The following CERS6 variants were observed in gnomAD, a reference collection of about 807,000 sequenced individuals.
The protein encoded by CERS6 is LAG1 homolog, ceramide synthase 6.
Under a neutral mutation model 56.8 loss-of-function variants are expected in CERS6, and 26 were observed. The observed-to-expected ratio is 0.46, with a 90% CI of 0.34 to 0.63. The LOEUF is 0.63. Among genes scored for constraint, CERS6 ranks in the 30% least tolerant of loss-of-function variants. CERS6 has a pLI of 0.01. For synonymous variants in CERS6, 164 were observed against 173.3 expected (o/e 0.95, Z 0.42); for missense variants, 415 against 467.5 (o/e 0.89, Z 1.04).
intron 2 of CERS6, among the ~76,000 whole-genome samples, chr2:168,554,110 AAAAG>A (rs893957668): frequency 3.3e-5 from 5 of 152,188 alleles, no homozygotes; most frequent in South Asian, 2.1e-4. Flanking sequence ...TTAGAGATGG[AAAAG>A]AAAGAGTCAT....
chr2:168,761,955 A>G (rs1027377018), intron 8 of CERS6, among the ~76,000 whole-genome samples: 4 of 152,282 alleles, frequency 2.6e-5, no homozygotes, highest in African/African-American at 7.2e-5. Flanking sequence ...GAGTTGAACA[A>G]TGAGAACACA....
intron 1 of CERS6, among the ~76,000 whole-genome samples, chr2:168,514,041 T>C (rs193158322): frequency 6.6e-6 from 1 of 152,352 alleles, no homozygotes; most frequent in East Asian, 1.9e-4. Flanking sequence ...CTAAAAATTA[T>C]GGAGGAAAGG....
chr2:168,711,246 A>G (rs1279528008), intron 6 of CERS6, among the ~76,000 whole-genome samples: 1 of 152,200 alleles, frequency 6.6e-6, no homozygotes, highest in Non-Finnish European at 1.5e-5. Context: ...TTGAAACCCC[A>G]ACCTGTAGTG....
chr2:168,520,082 A>T (rs191371919), intron 1 of CERS6, among the ~76,000 whole-genome samples: 1 of 152,254 alleles, frequency 6.6e-6, no homozygotes, highest in Non-Finnish European at 1.5e-5. Flanking sequence ...CTGCAACCTC[A>T]CCAACATCTG....
intron 3 of CERS6, among the ~76,000 whole-genome samples, chr2:168,562,902 A>C (rs756027660): frequency 5.3e-5 from 8 of 152,110 alleles, no homozygotes; most frequent in Non-Finnish European, 1.2e-4. Context: ...GCCCTGCCAT[A>C]TATCCAAAGG....
chr2:168,762,095 C>T (rs1449443454), intron 8 of CERS6, among the ~76,000 whole-genome samples: 1 of 151,972 alleles, frequency 6.6e-6, no homozygotes, highest in Non-Finnish European at 1.5e-5. Flanking sequence ...ATGAGTGCAG[C>T]AAACCACCAT....
intron 4 of CERS6, among the ~76,000 whole-genome samples, chr2:168,678,124 A>G (rs1037726112): frequency 2.0e-5 from 3 of 152,224 alleles, no homozygotes; most frequent in African/African-American, 7.2e-5. Flanking sequence ...ACCATTGTGG[A>G]AGTCAGTGTG....
intron 1 of CERS6, among the ~76,000 whole-genome samples, chr2:168,521,741 C>T (rs1389038062): frequency 6.6e-6 from 1 of 152,186 alleles, no homozygotes; most frequent in Admixed American, 6.5e-5. Context: ...TTGGGAGCTT[C>T]CCCTGCAAAG....
intron 1 of CERS6, among the ~76,000 whole-genome samples, chr2:168,460,006 G>A (rs1225519897): frequency 6.6e-6 from 1 of 152,120 alleles, no homozygotes; most frequent in Non-Finnish European, 1.5e-5. Flanking sequence ...TCAAATTCTA[G>A]TCAAAACTTA....
intron 3 of CERS6, among the ~76,000 whole-genome samples, chr2:168,562,130 T>A (rs561953557): frequency 1.3e-5 from 2 of 152,294 alleles, no homozygotes; most frequent in Non-Finnish European, 2.9e-5. Context: ...TTTCCTGACG[T>A]CTGGTCATTT....
At chr2:168,533,535 T>C (rs1243686888) in intron 1 of CERS6, among the ~76,000 whole-genome samples, 1 of 152,250 alleles carries the variant, frequency 6.6e-6, no homozygotes, top group African/African-American at 2.4e-5. Flanking sequence ...AAGGGAATGC[T>C]TCCAGCTTTT....
At position 168,773,644 on chromosome 2, in the gene CERS6, T is replaced by G. The variant is rs1684921526; in HGVS notation, c.*3982T>G. 1 of 152,208 alleles carries G rather than the reference T, an allele frequency of 6.6e-6. No individual in the cohort carries two copies. The highest frequency in any genetic ancestry group is 2.4e-5 in the African/African-American group (1 of 41,456). 9.4% of individuals were successfully genotyped at this position (152,208 alleles called of 1,614,324 possible). ...ATGGAAGGAATAATCAGCAGTTCAG[T>G]TGTCACAAGCCGCCCTTGAAGAAAA... On this transcript the variant is annotated 3_prime_UTR_variant, in exon 10 of 10. Coordinates refer to ENST00000305747, the MANE Select transcript of CERS6 (RefSeq NM_203463.3).
intron 3 of CERS6, among the ~76,000 whole-genome samples, chr2:168,569,727 G>A (rs1695947980): frequency 6.6e-6 from 1 of 152,156 alleles, no homozygotes; most frequent in African/African-American, 2.4e-5. Flanking sequence ...GTATGGTGGT[G>A]AAGGCAGTGG....
chr2:168,614,442 G>T (rs535945632), intron 3 of CERS6, among the ~76,000 whole-genome samples: 27 of 152,300 alleles, frequency 1.8e-4, no homozygotes, highest in Admixed American at 1.5e-3. Flanking sequence ...AGCCCAGCTG[G>T]CTTTCACAGC....
rs558678591 is a variant in CERS6 at position 168,712,232 on chromosome 2, T to C, written c.610-2769T>C. On this transcript the variant is annotated intron_variant, in intron 6 of 9. Transcript: ENST00000305747. ...CGAATTCACAAGGAACTGAGAAGTC[T>C]ACCTAATCTGGTTTCTGTTGCCTTT... Among the ~76,000 whole-genome samples the C allele has an allele frequency of 2.5e-3, 377 of 152,308 alleles. 1 individual carries two copies. Among genetic ancestry groups the C allele is most frequent in the African/African-American group, 8.5e-3 (353 of 41,566 alleles).
intron 8 of CERS6, among the ~76,000 whole-genome samples, chr2:168,760,361 C>G (rs771315718): frequency 2.6e-5 from 4 of 152,046 alleles, no homozygotes; most frequent in Non-Finnish European, 4.4e-5. Flanking sequence ...GCCAGTCTCG[C>G]GTTTCCCATG....
At chr2:168,681,852 T>A (rs1686225783) in intron 4 of CERS6, among the ~76,000 whole-genome samples, 1 of 152,192 alleles carries the variant, frequency 6.6e-6, no homozygotes, top group African/African-American at 2.4e-5. Context: ...GAGATCAACT[T>A]TTTTAGCTTC....
chr2:168,727,714 T>A (rs2105407029), intron 8 of CERS6, among the ~76,000 whole-genome samples: 2 of 152,340 alleles, frequency 1.3e-5, no homozygotes, highest in South Asian at 4.1e-4. Flanking sequence ...CTTTTCTGAA[T>A]TGTTGATAAG....
chr2:168,539,718 G>A (rs1695332266), intron 1 of CERS6, among the ~76,000 whole-genome samples: 2 of 152,148 alleles, frequency 1.3e-5, no homozygotes, highest in African/African-American at 2.4e-5. Flanking sequence ...TGCTAGCCAC[G>A]GCACACCATT....
Sources: allele counts gnomAD v4.1 joint callset (sites outside exome capture counted in the v4.1 genomes callset), GRCh38; gene constraint gnomAD v4.1.1; transcripts MANE v1.5; gene names NCBI Gene and HGNC (gene_info 2026-07-23, HGNC 2026-07-21).